The following ZBTB20 variants were observed in gnomAD, a reference collection of about 807,000 sequenced individuals.
The protein encoded by ZBTB20 is zinc finger and BTB domain-containing protein 20.
In ZBTB20, 9 loss-of-function variants were observed where a neutral mutation model predicts 56.9. The ratio of observed to expected loss-of-function variants is 0.16; its 90% confidence interval spans 0.10 to 0.28. The LOEUF (loss-of-function observed/expected upper bound fraction) is 0.28. Ranked by LOEUF, ZBTB20 falls within the 10% of genes least tolerant of loss-of-function variation. ZBTB20 has a pLI of 1.00. For synonymous variants in ZBTB20, 417 were observed against 420.7 expected (o/e 0.99, Z 0.11); for missense variants, 655 against 1,003.0 (o/e 0.65, Z 4.69).
chr3:114,855,498 G>C (rs1283863464), intron 4 of ZBTB20, among the ~76,000 whole-genome samples: 1 of 152,108 alleles, frequency 6.6e-6, no homozygotes, highest in Admixed American at 6.6e-5. Flanking sequence ...TTATGGAGAT[G>C]GTTCTCTTTA....
intron 4 of ZBTB20, among the ~76,000 whole-genome samples, chr3:114,856,740 C>A (rs1363488382): frequency 6.6e-6 from 1 of 152,078 alleles, no homozygotes; most frequent in Non-Finnish European, 1.5e-5. Flanking sequence ...TAGCATTTTG[C>A]AAATTCAAAT....
At chr3:114,918,635 C>G (rs186371675) in intron 3 of ZBTB20, among the ~76,000 whole-genome samples, 45 of 152,274 alleles carry the variant, frequency 3.0e-4, no homozygotes, top group Non-Finnish European at 5.4e-4. Context: ...TCCCTTCTAG[C>G]CCAGAGTATA....
chr3:114,455,983 C>A (rs1299400789), intron 7 of ZBTB20, among the ~76,000 whole-genome samples: 1 of 152,022 alleles, frequency 6.6e-6, no homozygotes, highest in African/African-American at 2.4e-5. Flanking sequence ...GCCCACCAGG[C>A]CAGTGCTCTT....
chr3:115,028,516 TGTA>T (rs1380731650), intron 2 of ZBTB20, among the ~76,000 whole-genome samples: 1 of 150,746 alleles, frequency 6.6e-6, no homozygotes, highest in Non-Finnish European at 1.5e-5. Flanking sequence ...TTTTTAAAAA[TGTA>T]GTCACAAGAA....
At chr3:114,710,431 A>C (rs183372883) in intron 5 of ZBTB20, 1 of 152,214 alleles carries the variant, frequency 6.6e-6, no homozygotes, top group African/African-American at 2.4e-5. Flanking sequence ...TATTTGGAAA[A>C]GAATTTCAAA....
intron 7 of ZBTB20, among the ~76,000 whole-genome samples, chr3:114,491,079 T>G (rs544342109): frequency 6.6e-6 from 1 of 152,332 alleles, no homozygotes; most frequent in African/African-American, 2.4e-5. Flanking sequence ...CCAAACACAG[T>G]GCCTGATACA....
In ZBTB20 at chr3:114,900,813, G is replaced by T. The variant is rs79401662; in HGVS notation, c.-455-471C>A. ...TTTGTAGAGCAGTCCACAAAAAAAT[G>T]CATGAATAAATGAAAGTAAACTTTG... On this transcript the variant is annotated intron_variant, in intron 3 of 11. Coordinates refer to ENST00000675478, the MANE Select transcript of ZBTB20 (RefSeq NM_001348800.3). Among the ~76,000 whole-genome samples, 18 of 152,196 alleles carry T rather than the reference G, an allele frequency of 1.2e-4. No homozygotes were observed. In the East Asian group the frequency reaches 3.5e-3, roughly 29 times the overall value.
chr3:115,049,014 T>C (rs2081441706), intron 2 of ZBTB20, among the ~76,000 whole-genome samples: 2 of 152,122 alleles, frequency 1.3e-5, no homozygotes, highest in African/African-American at 4.8e-5. Context: ...GAACGGGTCA[T>C]ATACTTTTTT....
At chr3:114,637,155 T>G (rs2059324289) in intron 6 of ZBTB20, among the ~76,000 whole-genome samples, 1 of 152,116 alleles carries the variant, frequency 6.6e-6, no homozygotes, top group Non-Finnish European at 1.5e-5. Context: ...TCCCCTTGAT[T>G]AGGATCCTTT....
chr3:115,126,115 T>C (rs948126154), intron 1 of ZBTB20, among the ~76,000 whole-genome samples: 2 of 152,178 alleles, frequency 1.3e-5, no homozygotes, highest in African/African-American at 4.8e-5. Flanking sequence ...CACAGCCTTG[T>C]TTCTTGAGAA....
At chr3:114,529,310 A>G (rs1314991236) in intron 6 of ZBTB20, 1 of 152,190 alleles carries the variant, frequency 6.6e-6, no homozygotes, top group Non-Finnish European at 1.5e-5. Flanking sequence ...CTTGGAAGCT[A>G]TGTACTGAAG....
chr3:114,616,520 G>C (rs2057954800), intron 6 of ZBTB20, among the ~76,000 whole-genome samples: 1 of 152,070 alleles, frequency 6.6e-6, no homozygotes. Context: ...ACAATGACTG[G>C]CACATAATAG....
chr3:114,344,341 G>T (rs950244669), intron 11 of ZBTB20, among the ~76,000 whole-genome samples: 1 of 152,186 alleles, frequency 6.6e-6, no homozygotes, highest in Non-Finnish European at 1.5e-5. Flanking sequence ...TCTCCAAGTA[G>T]AGAGTTGTAC....
At chr3:114,849,283 C>G (rs987868317) in intron 4 of ZBTB20, among the ~76,000 whole-genome samples, 1 of 152,100 alleles carries the variant, frequency 6.6e-6, no homozygotes, top group African/African-American at 2.4e-5. Flanking sequence ...GTGTAAGAAC[C>G]TGGCTTTTAT....
At chr3:114,900,512 TACACACACACACAC>T (rs58242135) in intron 3 of ZBTB20, 170 bp from the exon 4 acceptor site, 2 of 145,638 alleles carry the variant, frequency 1.4e-5, no homozygotes, top group South Asian at 2.2e-4. Flanking sequence ...TGAAAATATA[TACACACACACACAC>T]ACACACACAC....
intron 2 of ZBTB20, among the ~76,000 whole-genome samples, chr3:115,058,355 T>C (rs2081890043): frequency 1.3e-5 from 2 of 152,240 alleles, no homozygotes. Flanking sequence ...TGTGTCTTGA[T>C]GCCATTTCCT....
chr3:115,129,991 T>C (rs1218318905), intron 1 of ZBTB20, among the ~76,000 whole-genome samples: 1 of 152,118 alleles, frequency 6.6e-6, no homozygotes, highest in East Asian at 1.9e-4. Flanking sequence ...AATATATATA[T>C]AAATGTCCAT....
At chr3:114,758,121 T>C (rs957359321) in intron 5 of ZBTB20, among the ~76,000 whole-genome samples, 2 of 152,166 alleles carry the variant, frequency 1.3e-5, no homozygotes, top group East Asian at 1.9e-4. Flanking sequence ...TCACAGAATA[T>C]GCAATTCATC....
In ZBTB20 at chr3:114,372,161, C is replaced by T. The variant is rs536369371; in HGVS notation, c.199+8056G>A. On this transcript the variant is annotated intron_variant, in intron 10 of 11. Coordinates refer to ENST00000675478, the MANE Select transcript of ZBTB20 (RefSeq NM_001348800.3). ...AGAAGTCTTGACAGATATGGAGAAG[C>T]ACTAATTTTATATAATGAAATCTGC... Among the ~76,000 whole-genome samples the T allele has an allele frequency of 5.2e-4, 79 of 152,268 alleles. 2 individuals carry two copies. The South Asian group carries it at 0.011, about 21-fold the overall frequency.
Sources: gnomAD v4.1 joint callset for allele counts (sites outside exome capture counted in the v4.1 genomes callset) on GRCh38, gnomAD v4.1.1 for gene constraint, MANE v1.5 for transcripts, NCBI Gene and HGNC (gene_info 2026-07-23, HGNC 2026-07-21) for gene names.